RAD51: variants seen among roughly 807,000 people sequenced by gnomAD.
The protein encoded by RAD51 is RAD51 recombinase.
In RAD51, 14 loss-of-function variants were observed where a neutral mutation model predicts 41.5. That is an observed-to-expected ratio of 0.34 (90% CI 0.22 to 0.53). The LOEUF is 0.53. Among genes scored for constraint, RAD51 ranks in the 20% least tolerant of loss-of-function variants. The pLI, the probability that RAD51 is intolerant of heterozygous loss-of-function variation, is 0.95. For missense variants in RAD51, 234 were observed against 422.0 expected (o/e 0.55, Z 3.90); for synonymous variants, 136 against 148.6 (o/e 0.92, Z 0.62).
rs1412084401 is a variant in RAD51 at position 40,728,836 on chromosome 15, G to A, written c.644+12G>A. 2 of 1,589,676 alleles carry A rather than the reference G, an allele frequency of 1.3e-6. No homozygotes were observed. Among genetic ancestry groups the A allele is most frequent in the Non-Finnish European group, 1.7e-6 (2 of 1,157,866 alleles). On this transcript the variant is annotated intron_variant, in intron 7 of 9. Coordinates refer to ENST00000267868, the MANE Select transcript of RAD51 (RefSeq NM_002875.5). ...ATGGTAGAATCTAGGTATGTGTTCA[G>A]TATAAGACACCAAATATGTTCTTAA...
Position 40,713,678 on chromosome 15 carries a change from C to T in RAD51, c.435+4562C>T, listed in dbSNP as rs1567045765. On this transcript the variant is annotated intron_variant, in intron 5 of 9. Coordinates refer to ENST00000267868, the MANE Select transcript of RAD51 (RefSeq NM_002875.5). ...CTGGAGTGCAGTGGTGCCATCTCTG[C>T]TCACTGCAAGCTCCGCCTCCTGGGT... Among the ~76,000 whole-genome samples, 4 of 149,382 alleles carry T rather than the reference C, an allele frequency of 2.7e-5. No individual in the cohort carries two copies. The South Asian group carries it at 6.3e-4, about 24-fold the overall frequency.
At chr15:40,702,282 G>C (rs994355648) in intron 3 of RAD51, among the ~76,000 whole-genome samples, 2 of 151,954 alleles carry the variant, frequency 1.3e-5, no homozygotes, top group African/African-American at 2.4e-5. Context: ...TTCTGTTTTC[G>C]CTTTTTGGGT....
rs114673738 is a variant in RAD51 at position 40,705,394 on chromosome 15, A to T, written c.226-783A>T. Among the ~76,000 whole-genome samples, 567 of 152,306 alleles carry T rather than the reference A, an allele frequency of 3.7e-3. 5 individuals carry two copies. Among genetic ancestry groups the T allele is most frequent in the East Asian group, 0.026 (136 of 5,190 alleles). ...GAATGTGAATGTTCTCAGCCAGACA[A>T]TATGAAAGAAAAGGTACAGCTGATA... On this transcript the variant is annotated intron_variant, in intron 3 of 9. Transcript: ENST00000267868.
At chr15:40,719,342 A>G (rs1896152180) in intron 6 of RAD51, among the ~76,000 whole-genome samples, 1 of 151,788 alleles carries the variant, frequency 6.6e-6, no homozygotes, top group Non-Finnish European at 1.5e-5. Context: ...TACAGGTGTG[A>G]GCCACCGCAC....
At position 40,698,734 on chromosome 15, in the gene RAD51, T is replaced by C. The variant is rs760205927; in HGVS notation, c.-2-23T>C. ...CACCTTATTTCTCTAGTGTTTATAC[T>C]GATAAGCATTTGTATTTTTCAGTAA... On this transcript the variant is annotated intron_variant, in intron 1 of 9. Coordinates refer to ENST00000267868, the MANE Select transcript of RAD51 (RefSeq NM_002875.5). 151 of 1,598,782 alleles carry C rather than the reference T, an allele frequency of 9.4e-5. 3 individuals are homozygous for C. In the South Asian group the frequency reaches 1.5e-3, roughly 16 times the overall value.
intron 5 of RAD51, among the ~76,000 whole-genome samples, chr15:40,709,737 C>A (rs1403526514): frequency 6.6e-6 from 1 of 152,132 alleles, no homozygotes; most frequent in Non-Finnish European, 1.5e-5. Context: ...TGCAGATAGC[C>A]TCAGTTTACA....
At chr15:40,701,304 C>G in intron 3 of RAD51, 103 bp downstream of exon 3, 1 of 1,293,186 alleles carries the variant, frequency 7.7e-7, no homozygotes, top group Non-Finnish European at 1.1e-6. Flanking sequence ...TCGGTCATCT[C>G]ATTATCCTTT....
intron 3 of RAD51, among the ~76,000 whole-genome samples, chr15:40,701,605 T>C (rs144412654): frequency 1.3e-5 from 2 of 151,692 alleles, no homozygotes; most frequent in Non-Finnish European, 2.9e-5. Flanking sequence ...TGCTGGATTA[T>C]AGGTGTGAGC....
intron 4 of RAD51, among the ~76,000 whole-genome samples, chr15:40,706,765 T>G (rs984475620): frequency 2.0e-5 from 3 of 152,332 alleles, no homozygotes; most frequent in Admixed American, 6.5e-5. Context: ...AGGTAGGACC[T>G]TATTTATAAA....
At chr15:40,706,145 T>G (rs939008535) in intron 3 of RAD51, 32 bp from the exon 4 acceptor site, 1 of 1,494,756 alleles carries the variant, frequency 6.7e-7, no homozygotes, top group African/African-American at 1.4e-5. Flanking sequence ...GGAATATTAT[T>G]TTGTTGATTT....
intron 6 of RAD51, among the ~76,000 whole-genome samples, chr15:40,722,327 C>T (rs1223462241): frequency 6.6e-6 from 1 of 151,526 alleles, no homozygotes; most frequent in African/African-American, 2.4e-5. Flanking sequence ...GCAGGAGAAT[C>T]GCTTGAACCT....
At chr15:40,696,975 T>C (rs1396221344) in intron 1 of RAD51, among the ~76,000 whole-genome samples, 1 of 152,244 alleles carries the variant, frequency 6.6e-6, no homozygotes, top group East Asian at 1.9e-4. Flanking sequence ...CTTTATATAC[T>C]GGTTATCAGC....
intron 9 of RAD51, among the ~76,000 whole-genome samples, chr15:40,730,212 A>G (rs927459088): frequency 1.3e-5 from 2 of 152,206 alleles, no homozygotes; most frequent in South Asian, 2.1e-4. Flanking sequence ...CTCCCCTGTT[A>G]TTTAAAAAAT....
intron 9 of RAD51, 127 bp from the exon 10 acceptor site, chr15:40,730,928 C>G (rs1896848202): frequency 7.9e-7 from 1 of 1,272,816 alleles, no homozygotes; most frequent in Non-Finnish European, 1.1e-6. Flanking sequence ...GAAAACAGTA[C>G]AGAAACATTC....
chr15:40,703,381 A>G (rs1022731215), intron 3 of RAD51, among the ~76,000 whole-genome samples: 23 of 152,206 alleles, frequency 1.5e-4, no homozygotes, highest in African/African-American at 5.3e-4. Context: ...TGGCCGTGCA[A>G]TGAATTTTTA....
intron 1 of RAD51, 66 bp downstream of exon 1, chr15:40,695,491 G>T (rs1328883163): frequency 6.6e-6 from 1 of 152,320 alleles, no homozygotes; most frequent in African/African-American, 2.4e-5. Context: ...CCTGCGTCCT[G>T]GCCGGTCCAG....
Position 40,731,235 on chromosome 15 carries a change from A to G in RAD51, c.*57A>G. 1 of 1,610,618 alleles carries G rather than the reference A, an allele frequency of 6.2e-7. No individual in the cohort carries two copies. The highest frequency in any genetic ancestry group is 1.3e-5 in the African/African-American group (1 of 74,976). Reference sequence around the variant, plus strand: ...AAGTGCTGCAGCCTAATGAGAGTGCACTGCTCCCTGGGGTTCTCTACAGGC... The same window carrying G: ...AAGTGCTGCAGCCTAATGAGAGTGCGCTGCTCCCTGGGGTTCTCTACAGGC... On this transcript the variant is annotated 3_prime_UTR_variant, in exon 10 of 10. Coordinates refer to ENST00000267868, the MANE Select transcript of RAD51 (RefSeq NM_002875.5).
At chr15:40,705,081 A>G (rs1323075278) in intron 3 of RAD51, among the ~76,000 whole-genome samples, 1 of 152,176 alleles carries the variant, frequency 6.6e-6, no homozygotes, top group African/African-American at 2.4e-5. Context: ...AAGTGCTGGG[A>G]TTACAGGTGT....
chr15:40,720,876 C>G (rs571130853), intron 6 of RAD51, among the ~76,000 whole-genome samples: 2 of 152,128 alleles, frequency 1.3e-5, no homozygotes, highest in African/African-American at 4.8e-5. Context: ...TGGGAAAACT[C>G]AAGATTACTA....
Sources: allele counts gnomAD v4.1 joint callset (sites outside exome capture counted in the v4.1 genomes callset), GRCh38; gene constraint gnomAD v4.1.1; transcripts MANE v1.5; gene names NCBI Gene and HGNC (gene_info 2026-07-23, HGNC 2026-07-21).